YAP1: variants seen among roughly 807,000 people sequenced by gnomAD.
YAP1 encodes the protein Yes1 associated transcriptional regulator.
Under a neutral mutation model 56.9 loss-of-function variants are expected in YAP1, and 5 were observed. That is an observed-to-expected ratio of 0.09 (90% CI 0.05 to 0.18). The LOEUF is 0.18. Among genes scored for constraint, YAP1 ranks in the 10% least tolerant of loss-of-function variants. YAP1 has a pLI of 1.00. For missense variants in YAP1, 539 were observed against 651.8 expected (o/e 0.83, Z 1.88); for synonymous variants, 265 against 248.1 (o/e 1.07, Z -0.64).
chr11:102,202,064 G>T (rs1225705345), intron 4 of YAP1, among the ~76,000 whole-genome samples: 1 of 152,126 alleles, frequency 6.6e-6, no homozygotes, highest in Non-Finnish European at 1.5e-5. Flanking sequence ...CAGAATAACT[G>T]TGCTGGATTA....
chr11:102,150,377 G>A (rs889558362), intron 2 of YAP1, among the ~76,000 whole-genome samples: 2 of 152,102 alleles, frequency 1.3e-5, no homozygotes, highest in African/African-American at 4.8e-5. Flanking sequence ...TTTGATCTTT[G>A]GCCAAGTAAA....
intron 2 of YAP1, among the ~76,000 whole-genome samples, chr11:102,123,300 C>T (rs2135176661): frequency 6.6e-6 from 1 of 152,220 alleles, no homozygotes; most frequent in South Asian, 2.1e-4. Context: ...CACCTTGGAG[C>T]TATCCTTAGA....
At chr11:102,113,438 T>C (rs1333642293) in intron 1 of YAP1, among the ~76,000 whole-genome samples, 1 of 152,148 alleles carries the variant, frequency 6.6e-6, no homozygotes, top group African/African-American at 2.4e-5. Flanking sequence ...GAATGCAGAA[T>C]TTTTTCTGCT....
chr11:102,121,616 T>A (rs867299074), intron 2 of YAP1, among the ~76,000 whole-genome samples: 28 of 152,084 alleles, frequency 1.8e-4, no homozygotes, highest in African/African-American at 5.8e-4. Flanking sequence ...CATTGGTCAC[T>A]TAGTAGCCAC....
chr11:102,165,699 C>T (rs977794993), intron 3 of YAP1, among the ~76,000 whole-genome samples: 1 of 152,104 alleles, frequency 6.6e-6, no homozygotes, highest in African/African-American at 2.4e-5. Context: ...ACCAGGCATT[C>T]AGTGAAGGTC....
chr11:102,188,379 C>T (rs553536741), intron 4 of YAP1, among the ~76,000 whole-genome samples: 2 of 152,250 alleles, frequency 1.3e-5, no homozygotes, highest in East Asian at 3.9e-4. Flanking sequence ...AATTTTAGCT[C>T]CTTCAAACAA....
chr11:102,207,457 C>T (rs1477133484), intron 5 of YAP1, among the ~76,000 whole-genome samples: 3 of 151,448 alleles, frequency 2.0e-5, no homozygotes, highest in African/African-American at 4.9e-5. Flanking sequence ...TTTGGGAGGC[C>T]GAGGCAGGAG....
intron 3 of YAP1, among the ~76,000 whole-genome samples, chr11:102,163,628 G>A (rs555114336): frequency 7.9e-5 from 12 of 152,228 alleles, no homozygotes; most frequent in African/African-American, 1.7e-4. Flanking sequence ...TTTCTCCACC[G>A]CCCATGCATT....
intron 2 of YAP1, among the ~76,000 whole-genome samples, chr11:102,121,295 C>T (rs1321530313): frequency 6.6e-6 from 1 of 152,030 alleles, no homozygotes; most frequent in Admixed American, 6.6e-5. Context: ...AAAAAATTAG[C>T]CGAGCATGGT....
intron 1 of YAP1, 130 bp from the exon 2 acceptor site, chr11:102,114,014 G>A: frequency 3.6e-6 from 3 of 827,456 alleles, no homozygotes; most frequent in African/African-American, 1.7e-5. Flanking sequence ...CTCCAGTGTC[G>A]AATATTAAAT....
At chr11:102,176,021 A>T (rs1811076855) in intron 3 of YAP1, among the ~76,000 whole-genome samples, 1 of 152,214 alleles carries the variant, frequency 6.6e-6, no homozygotes, top group Non-Finnish European at 1.5e-5. Flanking sequence ...TGAATTTCAG[A>T]TATTTATGTT....
chr11:102,123,155 A>G (rs1210308795), intron 2 of YAP1, among the ~76,000 whole-genome samples: 1 of 152,164 alleles, frequency 6.6e-6, no homozygotes, highest in Admixed American at 6.5e-5. Flanking sequence ...TTACGTTATG[A>G]CAATTCATGT....
At chr11:102,185,025 T>TG (rs1270776064) in intron 3 of YAP1, among the ~76,000 whole-genome samples, 25 of 152,164 alleles carry the variant, frequency 1.6e-4, no homozygotes, top group African/African-American at 5.6e-4. Flanking sequence ...ATAAGAACAA[T>TG]GACTAGCACA....
chr11:102,163,118 G>C (rs1014103960), intron 3 of YAP1, among the ~76,000 whole-genome samples: 2 of 151,766 alleles, frequency 1.3e-5, no homozygotes, highest in African/African-American at 2.4e-5. Flanking sequence ...GGGCAAGCAT[G>C]GATTATTAAA....
At chr11:102,205,604 C>A (rs1325495834) in intron 4 of YAP1, among the ~76,000 whole-genome samples, 2 of 151,306 alleles carry the variant, frequency 1.3e-5, no homozygotes, top group Non-Finnish European at 2.9e-5. Context: ...TAAACACTTT[C>A]TCTTCTGCAC....
intron 4 of YAP1, among the ~76,000 whole-genome samples, chr11:102,191,128 C>G (rs900311859): frequency 5.9e-5 from 9 of 151,622 alleles, no homozygotes; most frequent in African/African-American, 2.2e-4. Flanking sequence ...AGCCCAAGAT[C>G]GCACCACTGC....
intron 7 of YAP1, among the ~76,000 whole-genome samples, 186 bp from the exon 8 acceptor site, chr11:102,227,283 A>G (rs1950239211): frequency 1.3e-5 from 2 of 152,116 alleles, no homozygotes; most frequent in African/African-American, 2.4e-5. Context: ...TAACTTGTCT[A>G]TTTCACTTCA....
At chr11:102,150,029 G>GGCTGGAAT in intron 2 of YAP1, among the ~76,000 whole-genome samples, 1 of 130,242 alleles carries the variant, frequency 7.7e-6, no homozygotes, top group Admixed American at 9.6e-5. Context: ...CTGTGGCCCA[G>GGCTGGAAT]GCTGGAATGT....
At chr11:102,203,393 T>A (rs148424769) in intron 4 of YAP1, among the ~76,000 whole-genome samples, 2,597 of 152,316 alleles carry the variant, frequency 0.017, 60 homozygotes, top group Middle Eastern at 0.024. Flanking sequence ...GATGGACTTT[T>A]GATAATATTA....
Sources: allele counts gnomAD v4.1 joint callset (sites outside exome capture counted in the v4.1 genomes callset), GRCh38; gene constraint gnomAD v4.1.1; transcripts MANE v1.5; gene names NCBI Gene and HGNC (gene_info 2026-07-23, HGNC 2026-07-21).